CSMD1: variants seen among roughly 807,000 people sequenced by gnomAD.
CSMD1 encodes CUB and Sushi multiple domains 1.
Under a neutral mutation model 417.5 loss-of-function variants are expected in CSMD1, and 213 were observed. The ratio of observed to expected loss-of-function variants is 0.51; its 90% CI spans 0.46 to 0.57. The LOEUF (loss-of-function observed/expected upper bound fraction) is 0.57. CSMD1 is among the 20% of genes least tolerant of loss of function. The probability of loss-of-function intolerance (pLI) is 0.00; values close to 1 mark genes in which losing one functional copy is unlikely to be tolerated. For synonymous variants in CSMD1, 2,862 were observed against 1,736.8 expected (o/e 1.65, Z -16.11); for missense variants, 6,923 against 4,529.7 (o/e 1.53, Z -15.17).
intron 25 of CSMD1, among the ~76,000 whole-genome samples, chr8:3,306,850 TTACTTTAAAAATATTACTTTTTGTTGG>T (rs1804897484): frequency 1.5e-5 from 1 of 68,514 alleles, no homozygotes; most frequent in African/African-American, 5.4e-5. Flanking sequence ...ATTACAGAGC[TTACTTTAAAAATATTACTTTTTGTTGG>T]TTTAAATAAC....
intron 1 of CSMD1, among the ~76,000 whole-genome samples, chr8:4,905,351 A>T (rs544220815): frequency 6.6e-6 from 1 of 151,496 alleles, no homozygotes; most frequent in Non-Finnish European, 1.5e-5. Flanking sequence ...ATTTCTTCTC[A>T]TTAGACTCTT....
intron 2 of CSMD1, among the ~76,000 whole-genome samples, chr8:4,446,948 A>C (rs1347826008): frequency 6.6e-6 from 1 of 151,596 alleles, no homozygotes; most frequent in African/African-American, 2.4e-5. Flanking sequence ...AAAAAAAAAA[A>C]AACATTGGCC....
chr8:3,955,912 C>T (rs534465328), intron 5 of CSMD1, among the ~76,000 whole-genome samples: 1 of 152,256 alleles, frequency 6.6e-6, no homozygotes, highest in African/African-American at 2.4e-5. Context: ...CTTTGCCTCC[C>T]GGGTTAAAGC....
At chr8:4,076,924 T>A (rs1317435646) in intron 3 of CSMD1, among the ~76,000 whole-genome samples, 1 of 152,186 alleles carries the variant, frequency 6.6e-6, no homozygotes, top group Non-Finnish European at 1.5e-5. Context: ...ATAACATGGA[T>A]ATCAGTAAAA....
At chr8:4,343,652 A>G (rs1800610066) in intron 3 of CSMD1, among the ~76,000 whole-genome samples, 2 of 152,170 alleles carry the variant, frequency 1.3e-5, no homozygotes, top group African/African-American at 2.4e-5. Context: ...GTCATCTCCT[A>G]GGAGACAAAG....
chr8:4,205,645 C>G (rs929780471), intron 3 of CSMD1, among the ~76,000 whole-genome samples: 2 of 152,140 alleles, frequency 1.3e-5, no homozygotes, highest in African/African-American at 2.4e-5. Flanking sequence ...GAGAAAGCCT[C>G]TCATTGTAAC....
chr8:4,396,008 A>T (rs143140313), intron 3 of CSMD1, among the ~76,000 whole-genome samples: 1 of 152,292 alleles, frequency 6.6e-6, no homozygotes, highest in African/African-American at 2.4e-5. Flanking sequence ...AATGTTTTAT[A>T]ATCATTTTGT....
At chr8:4,432,748 G>T (rs1797937608) in intron 2 of CSMD1, among the ~76,000 whole-genome samples, 2 of 152,054 alleles carry the variant, frequency 1.3e-5, no homozygotes, top group African/African-American at 4.8e-5. Context: ...TTCAAACCAG[G>T]GCCATAGAGG....
At chr8:3,904,451 A>G (rs573127780) in intron 5 of CSMD1, among the ~76,000 whole-genome samples, 3 of 152,248 alleles carry the variant, frequency 2.0e-5, no homozygotes, top group Admixed American at 6.5e-5. Flanking sequence ...AATGTCCCAG[A>G]GATTTCAGTA....
At chr8:4,201,340 C>A (rs1361942144) in intron 3 of CSMD1, among the ~76,000 whole-genome samples, 1 of 151,768 alleles carries the variant, frequency 6.6e-6, no homozygotes, top group African/African-American at 2.4e-5. Flanking sequence ...AGATCGAGAC[C>A]ATCTTGGGTA....
At chr8:4,741,426 CTG>C (rs773894693) in intron 1 of CSMD1, among the ~76,000 whole-genome samples, 6 of 152,134 alleles carry the variant, frequency 3.9e-5, no homozygotes, top group Non-Finnish European at 8.8e-5. Flanking sequence ...CAGGAAATAA[CTG>C]TTTTTATTTT....
intron 1 of CSMD1, among the ~76,000 whole-genome samples, chr8:4,768,088 G>A (rs1585068162): frequency 6.6e-6 from 1 of 152,074 alleles, no homozygotes; most frequent in South Asian, 2.1e-4. Context: ...CTTCCACCCA[G>A]CAGTTATGTG....
At chr8:4,015,661 T>TA (rs11371186) in intron 4 of CSMD1, among the ~76,000 whole-genome samples, 68,070 of 97,428 alleles carry the variant, frequency 0.7, 23,968 homozygotes, top group Non-Finnish European at 0.72. Flanking sequence ...GTTTGAATCT[T>TA]AAAAAAAAAA....
At chr8:4,002,680 T>C (rs1413716616) in intron 4 of CSMD1, among the ~76,000 whole-genome samples, 2 of 152,230 alleles carry the variant, frequency 1.3e-5, no homozygotes, top group Non-Finnish European at 2.9e-5. Context: ...TGGGAACCAT[T>C]ATCCCTGCAG....
At chr8:3,340,182 T>G (rs1171278848) in intron 23 of CSMD1, among the ~76,000 whole-genome samples, 2 of 152,154 alleles carry the variant, frequency 1.3e-5, no homozygotes, top group Non-Finnish European at 2.9e-5. Flanking sequence ...TGGATTTGGG[T>G]TGCAATTACA....
At chr8:4,934,883 A>G (rs1807504950) in intron 1 of CSMD1, among the ~76,000 whole-genome samples, 1 of 152,140 alleles carries the variant, frequency 6.6e-6, no homozygotes, top group African/African-American at 2.4e-5. Context: ...AATCATGTCT[A>G]TCTGTATCTA....
chr8:3,396,665 C>T (rs1393429910), intron 16 of CSMD1, among the ~76,000 whole-genome samples: 2 of 151,834 alleles, frequency 1.3e-5, no homozygotes, highest in Non-Finnish European at 2.9e-5. Flanking sequence ...TACTATGAAC[C>T]AGATTAGTTT....
intron 50 of CSMD1, among the ~76,000 whole-genome samples, chr8:3,044,814 G>C (rs1364476299): frequency 6.6e-6 from 1 of 152,096 alleles, no homozygotes; most frequent in African/African-American, 2.4e-5. Context: ...TTTATCTCTT[G>C]AGATTCAGTG....
chr8:3,861,473 A>G (rs1264278646), intron 5 of CSMD1, among the ~76,000 whole-genome samples: 3 of 152,198 alleles, frequency 2.0e-5, no homozygotes, highest in Non-Finnish European at 4.4e-5. Flanking sequence ...TTGAGAGGCC[A>G]TAGATTTGGA....
Sources: allele counts gnomAD v4.1 joint callset (sites outside exome capture counted in the v4.1 genomes callset), GRCh38; gene constraint gnomAD v4.1.1; transcripts MANE v1.5; gene names NCBI Gene and HGNC (gene_info 2026-07-23, HGNC 2026-07-21).